The following RASA3 variants were observed in gnomAD, a reference collection of about 807,000 sequenced individuals.
RASA3 encodes the protein RAS p21 protein activator 3, also known as ras GTPase-activating protein 3.
A neutral mutation model predicts 110.0 loss-of-function variants in RASA3; 73 were observed. That is an observed-to-expected ratio of 0.66 (90% CI 0.55 to 0.81). The LOEUF is 0.81. Ranked by LOEUF, RASA3 falls within the 30% of genes least tolerant of loss-of-function variation. The probability of loss-of-function intolerance (pLI) is 0.00; values close to 1 mark genes in which losing one functional copy is unlikely to be tolerated. For missense variants in RASA3, 976 were observed against 1,113.2 expected (o/e 0.88, Z 1.75); for synonymous variants, 500 against 451.4 (o/e 1.11, Z -1.37).
intron 22 of RASA3, 72 bp downstream of exon 22, chr13:113,992,413 A>G (rs1390137956): frequency 2.4e-6 from 3 of 1,229,982 alleles, no homozygotes; most frequent in Admixed American, 3.5e-5. Flanking sequence ...TTCACCCCAC[A>G]GCATGCTCCT....
intron 2 of RASA3, among the ~76,000 whole-genome samples, chr13:114,061,909 G>C (rs2079358957): frequency 6.6e-6 from 1 of 152,144 alleles, no homozygotes; most frequent in South Asian, 2.1e-4. Flanking sequence ...TGTCTGCACA[G>C]AGCACACGGC....
chr13:114,029,811 C>A lies in RASA3; in HGVS notation c.449G>T (p.Arg150Leu). The A allele has an allele frequency of 6.3e-7, 1 of 1,591,558 alleles. No homozygotes were observed. Among genetic ancestry groups the A allele is most frequent in the Non-Finnish European group, 8.6e-7 (1 of 1,169,460 alleles). Reference sequence around the variant, plus strand: ...GGTCTCTAGTGAGGACGTGTCTTACCGTGTGGCGAGCTTGTGGCAGACGAC... The same window carrying A: ...GGTCTCTAGTGAGGACGTGTCTTACAGTGTGGCGAGCTTGTGGCAGACGAC... ...TGVVCHKLATRIVECQGLPIV... is the reference protein window; with the variant it reads ...TGVVCHKLATLIVECQGLPIV... The change falls in exon 5 of 24, where the codon CGC (arginine) becomes CTC (leucine). Residue 150 changes from arginine (R) to leucine (L), a missense_variant and splice_region_variant. This residue lies in a region of RASA3 where 732 missense variants were observed against 779.7 expected (regional missense o/e 0.94). Transcript: ENST00000334062.
rs117042243 is a variant in RASA3, at chr13:114,060,745, G to A, written c.174-8590C>T. On this transcript the variant is annotated intron_variant, in intron 2 of 23. Coordinates refer to ENST00000334062, the MANE Select transcript of RASA3 (RefSeq NM_007368.4). ...CTGTCCCCCAGCGCTGCGCTCGCCC[G>A]CGGTGGAGCTGCAGTGTTATCAGTG... Among the ~76,000 whole-genome samples the A allele has an allele frequency of 3.3e-3, 505 of 152,346 alleles. 3 individuals are homozygous for A. In the East Asian group the frequency reaches 0.038, roughly 12 times the overall value.
At chr13:114,010,810 T>G (rs9590485) in intron 16 of RASA3, among the ~76,000 whole-genome samples, 2,934 of 10,752 alleles carry the variant, frequency 0.27, 130 homozygotes, top group Non-Finnish European at 0.32. Context: ...GCGAGGGGAG[T>G]AGGGGGCTGC....
At position 114,025,170 on chromosome 13, in the gene RASA3, T is replaced by G. The variant is rs79276982; in HGVS notation, c.604-815A>C. Reference sequence around the variant, plus strand: ...TCAGCAGTGATGCTGGCTCAGGAGCTCTCAGCTCGAAGTTCTGATGTAAGG... The same window carrying G: ...TCAGCAGTGATGCTGGCTCAGGAGCGCTCAGCTCGAAGTTCTGATGTAAGG... On this transcript the variant is annotated intron_variant, in intron 7 of 23. Transcript: ENST00000334062. 3.1e-3 allele frequency among the ~76,000 whole-genome samples: 478 copies of G among 152,262 alleles called. 3 individuals are homozygous for G. Among genetic ancestry groups the G allele is most frequent in the African/African-American group, 0.011 (449 of 41,572 alleles).
At position 114,096,285 on chromosome 13, in the gene RASA3, C is replaced by T. The variant is rs7991648; in HGVS notation, c.56-22448G>A. Among the ~76,000 whole-genome samples, 143,383 of 152,264 alleles carry T rather than the reference C, an allele frequency of 0.94. 67,864 individuals are homozygous for T. The highest frequency in any genetic ancestry group is 1 in the Non-Finnish European group (67,785 of 68,010). On this transcript the variant is annotated intron_variant, in intron 1 of 23. Coordinates refer to ENST00000334062, the MANE Select transcript of RASA3 (RefSeq NM_007368.4). The surrounding 1 kb of genome is among the most constrained non-coding windows in gnomAD (Gnocchi z 5.1). ...ATGCAGGGTGACCCTGGCGCAGGATCGGGTCTGAGAGCTGCTCACCGACCC... is the reference window on the plus strand; with the variant it reads ...ATGCAGGGTGACCCTGGCGCAGGATTGGGTCTGAGAGCTGCTCACCGACCC...
rs146616555 is a variant in RASA3, at chr13:114,056,781, A to G, written c.174-4626T>C. 4.8e-3 allele frequency: 3,133 copies of G among 659,194 alleles called. 7 individuals are homozygous for G. Among genetic ancestry groups the G allele is most frequent in the Non-Finnish European group, 5.3e-3 (2,831 of 531,658 alleles). 40.8% of individuals were successfully genotyped at this position (659,194 alleles called of 1,614,324 possible). A position where few individuals can be genotyped will look rare whatever the true frequency, so the allele number is the denominator to read the frequency against. On this transcript the variant is annotated intron_variant, in intron 2 of 23. Transcript: ENST00000334062. This position sits in a 1 kb window ranked among gnomAD's most constrained non-coding sequence, Gnocchi z 5.7. ...AACATACGAACTCCATAAAATTATC[A>G]CCACAGACTGGACGTGCCCCTTTCT...
intron 3 of RASA3, among the ~76,000 whole-genome samples, chr13:114,049,644 G>A (rs554055342): frequency 7.2e-4 from 110 of 152,374 alleles, no homozygotes; most frequent in Non-Finnish European, 1.2e-3. Flanking sequence ...CCTGACACAC[G>A]GTCACACCTC....
intron 9 of RASA3, 86 bp downstream of exon 9, chr13:114,021,318 G>A: frequency 5.1e-6 from 6 of 1,178,486 alleles, no homozygotes; most frequent in East Asian, 2.4e-5. Context: ...CAGCACATGT[G>A]GCCTCTGTGC....
chr13:114,112,000 G>A (rs896877277), intron 1 of RASA3, among the ~76,000 whole-genome samples: 7 of 152,120 alleles, frequency 4.6e-5, no homozygotes, highest in Admixed American at 1.3e-4. Context: ...GGTGGGAGCT[G>A]TAGCGGAAGA....
In RASA3 at chr13:114,056,854, C is replaced by T. The variant is rs566378780; in HGVS notation, c.174-4699G>A. 6.6e-6 allele frequency among the ~76,000 whole-genome samples: 1 copy of T among 152,302 alleles called. No homozygotes were observed. The highest frequency in any genetic ancestry group is 1.9e-4 in the East Asian group (1 of 5,176). On this transcript the variant is annotated intron_variant, in intron 2 of 23. Transcript: ENST00000334062. The surrounding 1 kb of genome is among the most constrained non-coding windows in gnomAD (Gnocchi z 5.7). ...AACACAGCATGGCCCTGCTGCACTA[C>T]CCCTGGGGAGCAAGACCTCCTCCAG...
chr13:114,049,877 C>A (rs991484071), intron 3 of RASA3, among the ~76,000 whole-genome samples: 1 of 152,236 alleles, frequency 6.6e-6, no homozygotes, highest in Non-Finnish European at 1.5e-5. Flanking sequence ...AGAACCACAA[C>A]CAACGAGTGG....
intron 23 of RASA3, 38 bp from the exon 24 acceptor site, chr13:113,979,460 C>T (rs756459044): frequency 6.7e-6 from 10 of 1,502,340 alleles, no homozygotes; most frequent in African/African-American, 1.4e-5. Context: ...AGGCACAGAC[C>T]CCGTTGCCTG....
At chr13:114,018,351 T>C (rs1311489746) in intron 10 of RASA3, 99 bp from the exon 11 acceptor site, 12 of 1,374,750 alleles carry the variant, frequency 8.7e-6, no homozygotes, top group Admixed American at 8.2e-5. Context: ...CCACAATAGA[T>C]ACGGCTCTTT....
chr13:114,029,567 T>G (rs1243187637), intron 5 of RASA3, among the ~76,000 whole-genome samples: 6 of 37,610 alleles, frequency 1.6e-4, no homozygotes, highest in Admixed American at 5.4e-4. Context: ...ATCATCCTGG[T>G]GGGCCAGGAC....
At chr13:114,073,530 G>A (rs949276340) in intron 2 of RASA3, among the ~76,000 whole-genome samples, 190 bp downstream of exon 2, 4 of 149,584 alleles carry the variant, frequency 2.7e-5, no homozygotes, top group African/African-American at 1.0e-4. Context: ...AAAACGGGAC[G>A]GTGACGTACA....
intron 1 of RASA3, among the ~76,000 whole-genome samples, chr13:114,125,175 G>T (rs758035895): frequency 6.2e-4 from 95 of 152,170 alleles, no homozygotes; most frequent in Non-Finnish European, 1.2e-3. Context: ...TATGTTCCTT[G>T]AAAGCCACAG....
chr13:114,128,860 C>T lies in RASA3; in HGVS notation c.55+3575G>A, dbSNP rs538493038. ...ACGGACGGCATTCCCGGACGCTGACCGCCTCCAGCTCGACGGCAGGGTCAC... is the reference window on the plus strand; with the variant it reads ...ACGGACGGCATTCCCGGACGCTGACTGCCTCCAGCTCGACGGCAGGGTCAC... On this transcript the variant is annotated intron_variant, in intron 1 of 23. Transcript: ENST00000334062. Among the ~76,000 whole-genome samples, 16 of 152,348 alleles carry T rather than the reference C, an allele frequency of 1.1e-4. 1 individual carries two copies. The South Asian group carries it at 3.3e-3, about 32-fold the overall frequency.
rs559812103 is a variant in RASA3 at position 114,001,495 on chromosome 13, G to C, written c.1743-563C>G. Reference sequence around the variant, plus strand: ...CAACATGGAGGACCTACAGGCGCGGGCTCGGGGTCAGGGCAGGCAGTGGAC... The same window carrying C: ...CAACATGGAGGACCTACAGGCGCGGCCTCGGGGTCAGGGCAGGCAGTGGAC... On this transcript the variant is annotated intron_variant, in intron 18 of 23. Coordinates refer to ENST00000334062, the MANE Select transcript of RASA3 (RefSeq NM_007368.4). Among the ~76,000 whole-genome samples, 7 of 146,878 alleles carry C rather than the reference G, an allele frequency of 4.8e-5. No individual in the cohort carries two copies. In the East Asian group the frequency reaches 1.4e-3, roughly 29 times the overall value.
Sources: gnomAD v4.1 joint callset for allele counts (sites outside exome capture counted in the v4.1 genomes callset) on GRCh38, gnomAD v4.1.1 for gene constraint, gnomAD v4.1.1 regional missense constraint, Gnocchi (gnomAD v3.1) non-coding constraint, MANE v1.5 for transcripts, NCBI Gene and HGNC (gene_info 2026-07-23, HGNC 2026-07-21) for gene names.